UBL5: variants seen among roughly 807,000 people sequenced by gnomAD.
UBL5 encodes ubiquitin like 5, also known as ubiquitin-like protein 5.
A neutral mutation model predicts 11.7 loss-of-function variants in UBL5; 13 were observed. The ratio of observed to expected loss-of-function variants is 1.11; its 90% CI spans 0.73 to 1.77. UBL5 has a LOEUF of 1.77. Ranked by LOEUF, UBL5 falls within the 40% of genes most tolerant of loss-of-function variation. The pLI, the probability that UBL5 is intolerant of heterozygous loss-of-function variation, is 0.00. For missense variants in UBL5, 58 were observed against 92.3 expected, an observed-to-expected ratio of 0.63 and a Z score of 1.52; for synonymous variants, 28 against 34.7, an observed-to-expected ratio of 0.81 and a Z score of 0.68.
At chr19:9,829,896 C>G in intron 4 of UBL5, 69 bp from the exon 5 acceptor site, 1 of 1,592,940 alleles carries the variant, frequency 6.3e-7, no homozygotes, top group South Asian at 1.1e-5. Context: ...CCACCTGACC[C>G]GGCTGTGAAT....
chr19:9,827,931 G>A lies in UBL5; in HGVS notation c.-65G>A. The A allele has an allele frequency of 3.6e-6, 1 of 274,504 alleles. No individual in the cohort carries two copies. Among genetic ancestry groups the A allele is most frequent in the East Asian group, 8.4e-5 (1 of 11,838 alleles). 17.0% of individuals were successfully genotyped at this position (274,504 alleles called of 1,614,324 possible). ...GTTCCTAGCGTTAACTGCGACCGGG[G>A]TTCAGCGCTCGGGTGAGGAGCTGGT... On this transcript the variant is annotated 5_prime_UTR_variant, in exon 1 of 5. Coordinates refer to ENST00000586895, the MANE Select transcript of UBL5 (RefSeq NM_001048241.3).
chr19:9,829,332 C>T (rs191914909), intron 4 of UBL5: 38 of 173,090 alleles, frequency 2.2e-4, no homozygotes, highest in Middle Eastern at 3.0e-3. Flanking sequence ...AGGTGTGTGC[C>T]ACCACTCCCT....
intron 4 of UBL5, 194 bp from the exon 5 acceptor site, chr19:9,829,771 A>T: frequency 1.7e-6 from 1 of 589,434 alleles, no homozygotes; most frequent in Non-Finnish European, 3.0e-6. Context: ...TGCTGGGATT[A>T]CAGGTGTGAG....
In UBL5 at chr19:9,828,383, G is replaced by T; in HGVS notation, c.46G>T (p.Val16Phe). 1 of 1,614,130 alleles carries T rather than the reference G, an allele frequency of 6.2e-7. No individual in the cohort carries two copies. The highest frequency in any genetic ancestry group is 1.1e-5 in the South Asian group (1 of 91,082). The stretch of plus-strand genomic sequence containing the variant: ...CGACCGTCTGGGGAAGAAGGTCCGC[G>T]TTAAATGCAAGTATCCACTGGCAGC... ...CNDRLGKKVRVKCNTDDTIGD... is the reference protein window; with the variant it reads ...CNDRLGKKVRFKCNTDDTIGD... Residue 16 changes from valine to phenylalanine, a missense_variant, in exon 2 of 5, where the codon GTT becomes TTT. Val to Phe is a conservative substitution (Grantham distance 50). Coordinates refer to ENST00000586895, the MANE Select transcript of UBL5 (RefSeq NM_001048241.3).
chr19:9,828,101 G>A, intron 1 of UBL5, 117 bp downstream of exon 1: 1 of 593,164 alleles, frequency 1.7e-6, no homozygotes, highest in South Asian at 2.0e-5. Context: ...GCTTTCAGGC[G>A]GCGAGAAGGG....
intron 4 of UBL5, chr19:9,829,361 A>G (rs771891082): frequency 1.7e-4 from 29 of 167,624 alleles, no homozygotes; most frequent in Non-Finnish European, 3.7e-4. Context: ...TTGTATTTTT[A>G]GTAGAGATGA....
At chr19:9,828,431 G>A in intron 2 of UBL5, 38 bp downstream of exon 2, 1 of 1,613,772 alleles carries the variant, frequency 6.2e-7, no homozygotes, top group Non-Finnish European at 8.5e-7. Flanking sequence ...GTACCCGCAG[G>A]GGTGCTTGGC....
chr19:9,829,496 CT>C (rs1357729921), intron 4 of UBL5: 947 of 124,552 alleles, frequency 7.6e-3, no homozygotes, highest in Middle Eastern at 0.017. Flanking sequence ...GGAACAGAAA[CT>C]TTTTTTTTTT....
intron 1 of UBL5, 30 bp downstream of exon 1, chr19:9,828,014 T>G: frequency 6.8e-6 from 3 of 444,154 alleles, no homozygotes; most frequent in South Asian, 2.9e-5. Context: ...AGGCTCGGAG[T>G]CGGAGAAAGC....
At chr19:9,828,245 C>G (rs1012627718) in intron 1 of UBL5, 82 bp from the exon 2 acceptor site, 3 of 1,364,408 alleles carry the variant, frequency 2.2e-6, no homozygotes, top group Non-Finnish European at 3.1e-6. Context: ...GACTGGGAGA[C>G]TTGTAGGCTG....
intron 4 of UBL5, 41 bp downstream of exon 4, chr19:9,828,915 C>T (rs527627246): frequency 2.5e-6 from 4 of 1,601,216 alleles, no homozygotes; most frequent in Non-Finnish European, 3.4e-6. Flanking sequence ...TCTACATACC[C>T]AGCCTCGGTT....
At chr19:9,828,111 G>A in intron 1 of UBL5, 127 bp downstream of exon 1, 1 of 599,162 alleles carries the variant, frequency 1.7e-6, no homozygotes, top group Non-Finnish European at 3.0e-6. Context: ...GGCGAGAAGG[G>A]GCGGAGGCGC....
chr19:9,828,984 G>A lies in UBL5; in HGVS notation c.178+110G>A, dbSNP rs140284736. ...GCATATTAAGTGTTTAACTTAATAC[G>A]TGGCACATGGTGAGCACTTAGAAAA... On this transcript the variant is annotated intron_variant, in intron 4 of 4. Transcript: ENST00000586895. The A allele has an allele frequency of 7.9e-4, 810 of 1,030,756 alleles. 6 individuals carry two copies. The South Asian group carries it at 8.1e-3, about 10-fold the overall frequency. The allele number at this position is 1,030,756 out of a possible 1,614,324, so 63.9% of individuals were successfully genotyped here. A position where few individuals can be genotyped will look rare whatever the true frequency, so the allele number is the denominator to read the frequency against.
Position 9,828,820 on chromosome 19 carries a change from A to G in UBL5, c.141-17A>G. On this transcript the variant is annotated splice_polypyrimidine_tract_variant and intron_variant, in intron 3 of 4. Transcript: ENST00000586895. ...GAGCCTCCTTAGCCTTATCTCTGAA[A>G]TGTCTCTTTTTCTTAGGTACACGAT... 6.2e-7 allele frequency: 1 copy of G among 1,614,074 alleles called. No individual in the cohort carries two copies. The highest frequency in any genetic ancestry group is 1.6e-4 in the Middle Eastern group (1 of 6,062).
intron 1 of UBL5, 111 bp downstream of exon 1, chr19:9,828,095 T>A: frequency 1.7e-6 from 1 of 591,162 alleles, no homozygotes; most frequent in East Asian, 2.8e-5. Context: ...GGCAGGGCTT[T>A]CAGGCGGCGA....
chr19:9,829,716 C>CA (rs1266484658), intron 4 of UBL5: 8 of 469,546 alleles, frequency 1.7e-5, no homozygotes, highest in Admixed American at 7.5e-5. Flanking sequence ...AGGCTGGTCT[C>CA]AAACTCCTGA....
Position 9,828,386 on chromosome 19 carries a change from A to T in UBL5, c.49A>T (p.Lys17Ter). ...NDRLGKKVRV[K>*]CNTDDTIGDL... ...CCGTCTGGGGAAGAAGGTCCGCGTT[A>T]AATGCAAGTATCCACTGGCAGCCGA... Residue 17 changes from lysine to a stop codon, truncating the protein, a stop_gained, in exon 2 of 5, where the codon AAA becomes TAA. Transcript: ENST00000586895. LOFTEE classifies it high-confidence loss of function. The T allele has an allele frequency of 6.2e-7, 1 of 1,613,898 alleles. No homozygotes were observed. Among genetic ancestry groups the T allele is most frequent in the Admixed American group, 1.7e-5 (1 of 60,002 alleles).
intron 4 of UBL5, chr19:9,829,577 C>T (rs549795689): frequency 9.6e-5 from 18 of 188,176 alleles, no homozygotes; most frequent in Middle Eastern, 2.6e-3. Flanking sequence ...CTCACTGCAG[C>T]CTCTACCTCC....
chr19:9,828,245 C>A, intron 1 of UBL5, 82 bp from the exon 2 acceptor site: 2 of 1,364,524 alleles, frequency 1.5e-6, no homozygotes, highest in Non-Finnish European at 2.1e-6. Context: ...GACTGGGAGA[C>A]TTGTAGGCTG....
Sources: allele counts gnomAD v4.1 joint callset, GRCh38; gene constraint gnomAD v4.1.1; transcripts MANE v1.5; gene names NCBI Gene and HGNC (gene_info 2026-07-23, HGNC 2026-07-21).